Variants in MCF2 observed in about 807,000 individuals in gnomAD.
MCF2 encodes the protein proto-oncogene DBL.
In MCF2, 44 loss-of-function variants were observed where a neutral mutation model predicts 82.5. The observed-to-expected ratio is 0.53, with a 90% confidence interval of 0.42 to 0.69. The LOEUF (loss-of-function observed/expected upper bound fraction) is 0.69. Ranked by LOEUF, MCF2 falls within the 30% of genes least tolerant of loss-of-function variation. The pLI is 0.00. For missense variants in MCF2, 623 were observed against 663.1 expected (o/e 0.94, Z 0.66); for synonymous variants, 217 against 224.9 (o/e 0.96, Z 0.32).
At chrX:139,687,842 T>A (rs767061984) in intron 1 of MCF2, among the ~76,000 whole-genome samples, 11 of 112,202 alleles carry the variant, frequency 9.8e-5, no homozygotes, top group South Asian at 3.7e-4. Flanking sequence ...GAAAAAGATG[T>A]TTTGCAATTG....
chrX:139,653,290 G>C (rs1269988993), intron 1 of MCF2, among the ~76,000 whole-genome samples: 5 of 112,139 alleles, frequency 4.5e-5, no homozygotes, highest in African/African-American at 1.3e-4. Flanking sequence ...GCCTGCAAAA[G>C]TGGCAATAGT....
At chrX:139,603,069 C>T (rs60952984) in intron 15 of MCF2, among the ~76,000 whole-genome samples, 4,578 of 111,888 alleles carry the variant, frequency 0.041, 115 homozygotes, top group African/African-American at 0.088. Context: ...CCATTCTATG[C>T]AAGACGCCCC....
At chrX:139,607,649 G>T in intron 12 of MCF2, 42 bp downstream of exon 16, 1 of 950,169 alleles carries the variant, frequency 1.1e-6, no homozygotes, top group Non-Finnish European at 1.5e-6. Flanking sequence ...GACTCCCACA[G>T]TTAGATGTGT....
chrX:139,618,735 G>A (rs1265271846), intron 7 of MCF2, among the ~76,000 whole-genome samples: 6 of 111,170 alleles, frequency 5.4e-5, no homozygotes, highest in African/African-American at 1.6e-4. Flanking sequence ...CTTAAAAAGC[G>A]TGGCCTTGCT....
chrX:139,701,781 A>G (rs1371157315), intron 1 of MCF2, among the ~76,000 whole-genome samples: 6 of 112,793 alleles, frequency 5.3e-5, no homozygotes, highest in Admixed American at 1.9e-4. Context: ...AAGCACACAC[A>G]TAAGATTCTA....
chrX:139,684,257 T>C (rs1398947487), intron 1 of MCF2, among the ~76,000 whole-genome samples: 1 of 112,376 alleles, frequency 8.9e-6, no homozygotes, highest in African/African-American at 3.2e-5. Context: ...ATTCAGGAAA[T>C]GTAAATCAAA....
At chrX:139,642,071 G>C (rs1246358061) in intron 1 of MCF2, among the ~76,000 whole-genome samples, 1 of 111,208 alleles carries the variant, frequency 9.0e-6, no homozygotes, top group African/African-American at 3.3e-5. Context: ...ATCCCCTCCA[G>C]ACCTATCCAT....
At chrX:139,586,343 C>T (rs1928955966) in intron 23 of MCF2, 35 bp downstream of exon 27, 1 of 1,041,876 alleles carries the variant, frequency 9.6e-7, no homozygotes, top group Admixed American at 2.3e-5. Context: ...TTTGCACACC[C>T]ATGAGTCTCG....
chrX:139,685,839 C>T (rs1474005724), intron 1 of MCF2, among the ~76,000 whole-genome samples: 1 of 111,285 alleles, frequency 9.0e-6, no homozygotes, highest in Non-Finnish European at 1.9e-5. Flanking sequence ...TATTGATAAA[C>T]AGAGATGCAA....
At chrX:139,612,547 A>G (rs1012267258) in intron 10 of MCF2, among the ~76,000 whole-genome samples, 8 of 111,181 alleles carry the variant, frequency 7.2e-5, no homozygotes, top group African/African-American at 2.6e-4. Context: ...AAAGAAAAAA[A>G]AAAACTAAAA....
chrX:139,609,558 AAGAG>A (rs1556025451), intron 11 of MCF2, among the ~76,000 whole-genome samples: 4 of 110,438 alleles, frequency 3.6e-5, no homozygotes, highest in African/African-American at 1.3e-4. Flanking sequence ...CAAAAAAAAA[AAGAG>A]AGAGAGAAAA....
chrX:139,635,222 G>T (rs112021089), intron 1 of MCF2, among the ~76,000 whole-genome samples: 1,239 of 111,708 alleles, frequency 0.011, 18 homozygotes, highest in African/African-American at 0.036. Context: ...GAGCCCTGCT[G>T]CTGGGGAAAC....
intron 1 of MCF2, among the ~76,000 whole-genome samples, chrX:139,666,541 T>C (rs1331446877): frequency 8.9e-6 from 1 of 111,926 alleles, no homozygotes; most frequent in Non-Finnish European, 1.9e-5. Flanking sequence ...TCCCATTCTC[T>C]ATTGGCCTCT....
At chrX:139,644,880 A>G (rs1363747616), upstream of MCF2, among the ~76,000 whole-genome samples, 4 of 111,990 alleles carry the variant, frequency 3.6e-5, no homozygotes, top group African/African-American at 9.7e-5. Context: ...GCTCAGAAGG[A>G]GTCTGGGGGT....
chrX:139,587,893 G>C (rs930456991), intron 21 of MCF2, 105 bp from the exon 26 acceptor site: 3 of 429,680 alleles, frequency 7.0e-6, no homozygotes, highest in Non-Finnish European at 1.2e-5. Flanking sequence ...ACACACACAC[G>C]CATCCTTGCC....
intron 1 of MCF2, among the ~76,000 whole-genome samples, chrX:139,663,576 G>GTTTTT (rs57739559): frequency 1.2e-5 from 1 of 86,404 alleles, no homozygotes; most frequent in Non-Finnish European, 2.3e-5. Flanking sequence ...AGTTTGCTTT[G>GTTTTT]TTTTTTTTTT....
At chrX:139,692,118 T>TG in intron 1 of MCF2, 1 of 1,158,056 alleles carries the variant, frequency 8.6e-7, no homozygotes, top group Non-Finnish European at 1.2e-6. Context: ...AGCGGCAGCT[T>TG]GGGGCATGTG....
intron 13 of MCF2, among the ~76,000 whole-genome samples, chrX:139,605,475 G>C (rs2382952): frequency 9.0e-6 from 1 of 111,319 alleles, no homozygotes; most frequent in African/African-American, 3.3e-5. Context: ...GTATCCCTAA[G>C]AGAACATTTT....
chrX:139,670,071 C>A (rs1934637630), intron 1 of MCF2, among the ~76,000 whole-genome samples: 1 of 110,978 alleles, frequency 9.0e-6, no homozygotes, highest in Admixed American at 9.6e-5. Context: ...AAGCCATTAC[C>A]AAAAAGCTCA....
Sources: gnomAD v4.1 joint callset for allele counts (sites outside exome capture counted in the v4.1 genomes callset) on GRCh38, gnomAD v4.1.1 for gene constraint, MANE v1.5 for transcripts, NCBI Gene and HGNC (gene_info 2026-07-23, HGNC 2026-07-21) for gene names.